The following ARHGAP32 variants were observed in gnomAD, a reference collection of about 807,000 sequenced individuals.
ARHGAP32 encodes the protein Rho GTPase activating protein 32.
A neutral mutation model predicts 186.5 loss-of-function variants in ARHGAP32; 51 were observed. That is an observed-to-expected ratio of 0.27 (90% CI 0.22 to 0.35). ARHGAP32 has a LOEUF of 0.35. Ranked by LOEUF, ARHGAP32 falls within the 10% of genes least tolerant of loss-of-function variation. ARHGAP32 has a pLI of 1.00. For synonymous variants in ARHGAP32, 950 were observed against 964.3 expected, an observed-to-expected ratio of 0.99 and a Z score of 0.27; for missense variants, 2,186 against 2,623.5, an observed-to-expected ratio of 0.83 and a Z score of 3.64.
intron 1 of ARHGAP32, among the ~76,000 whole-genome samples, chr11:129,275,023 GTATC>G (rs1945514931): frequency 6.6e-6 from 1 of 152,030 alleles, no homozygotes; most frequent in South Asian, 2.1e-4. Context: ...AAAAACAGAA[GTATC>G]TTTCCACCCA....
At chr11:129,232,565 G>C (rs942269888) in intron 1 of ARHGAP32, among the ~76,000 whole-genome samples, 4 of 152,048 alleles carry the variant, frequency 2.6e-5, no homozygotes, top group Admixed American at 1.3e-4. Flanking sequence ...TTGATAGCTT[G>C]ATGAGATCAG....
intron 1 of ARHGAP32, among the ~76,000 whole-genome samples, chr11:129,252,032 C>A (rs1265842731): frequency 6.6e-6 from 1 of 151,228 alleles, no homozygotes; most frequent in Non-Finnish European, 1.5e-5. Flanking sequence ...ATAATAATAT[C>A]AACTATTATA....
chr11:129,203,908 C>CAT (rs904317726), intron 1 of ARHGAP32, among the ~76,000 whole-genome samples: 23 of 147,258 alleles, frequency 1.6e-4, no homozygotes, highest in Non-Finnish European at 3.0e-4. Flanking sequence ...AAAAAAATTG[C>CAT]ATATATATAT....
chr11:129,019,490 G>T (rs1938501895), intron 11 of ARHGAP32, among the ~76,000 whole-genome samples: 1 of 151,916 alleles, frequency 6.6e-6, no homozygotes. Flanking sequence ...AAAAGAACAG[G>T]TATGTTAAAT....
rs1289367729 is a variant in ARHGAP32, at chr11:128,966,766, C to G, written c.*2141G>C. The G allele has an allele frequency of 6.6e-6, 1 of 152,310 alleles. No individual in the cohort carries two copies. The highest frequency in any genetic ancestry group is 2.1e-4 in the South Asian group (1 of 4,822). The allele number at this position is 152,310 out of a possible 1,614,324, so 9.4% of individuals were successfully genotyped here. A position where few individuals can be genotyped will look rare whatever the true frequency, so the allele number is the denominator to read the frequency against. On this transcript the variant is annotated 3_prime_UTR_variant, in exon 23 of 23. Transcript: ENST00000682385. ...AGCCGTGTGTATCTCCTGGTCACAG[C>G]AGCCCCTCTTCCTAATCTCCATGCT...
intron 1 of ARHGAP32, among the ~76,000 whole-genome samples, chr11:129,178,163 G>C (rs1366849801): frequency 1.3e-5 from 2 of 151,770 alleles, no homozygotes; most frequent in East Asian, 3.9e-4. Flanking sequence ...CAAACAGAGA[G>C]CCAAATCATG....
chr11:129,045,032 G>C (rs1244059324), intron 10 of ARHGAP32, among the ~76,000 whole-genome samples: 3 of 152,156 alleles, frequency 2.0e-5, no homozygotes, highest in Admixed American at 2.0e-4. Context: ...GGTATATGGG[G>C]AAATGCCACT....
intron 20 of ARHGAP32, among the ~76,000 whole-genome samples, chr11:128,975,454 C>T (rs1310773247): frequency 9.9e-5 from 15 of 151,888 alleles, no homozygotes; most frequent in Admixed American, 1.3e-4. Context: ...AACATCCTTA[C>T]AATATTCAAA....
At position 128,970,294 on chromosome 11, in the gene ARHGAP32, G is replaced by A. The variant is rs1565345231; in HGVS notation, c.4919C>T (p.Ser1640Phe). 1.2e-6 allele frequency: 2 copies of A among 1,614,206 alleles called. No individual in the cohort carries two copies. Among genetic ancestry groups the A allele is most frequent in the Non-Finnish European group, 1.7e-6 (2 of 1,180,038 alleles). ...PLYQYKPYQS[S>F]QARSDYHVTQ... The stretch of plus-strand genomic sequence containing the variant: ...GACATGATAATCTGAGCGGGCCTGG[G>A]AGGACTGATATGGCTTATATTGGTA... The change falls in exon 23 of 23, where the codon TCC becomes TTC. Residue 1640 changes from serine to phenylalanine, a missense_variant. By Grantham distance (155) the Ser-to-Phe change is radical. Around this residue, in one of 5 missense-constraint regions of ARHGAP32, gnomAD observed 1,502 missense variants for 1,570.0 expected, o/e 0.96. Transcript: ENST00000682385. The surrounding 1 kb of genome is among the most constrained non-coding windows in gnomAD (Gnocchi z 5.8).
chr11:129,065,993 G>C (rs1380580461), intron 7 of ARHGAP32, among the ~76,000 whole-genome samples: 1 of 152,078 alleles, frequency 6.6e-6, no homozygotes, highest in Admixed American at 6.6e-5. Flanking sequence ...TAATTTAAAT[G>C]ATCCTATATT....
At chr11:129,049,107 AG>A (rs1286124532) in intron 10 of ARHGAP32, among the ~76,000 whole-genome samples, 2 of 152,304 alleles carry the variant, frequency 1.3e-5, no homozygotes, top group East Asian at 3.9e-4. Flanking sequence ...GAAGCAGCAC[AG>A]GAACAGGCAT....
chr11:128,988,210 C>CAAAAGT (rs1453543697), intron 12 of ARHGAP32, 85 bp from the exon 13 acceptor site: 29 of 970,538 alleles, frequency 3.0e-5, no homozygotes, highest in Non-Finnish European at 7.5e-6. Flanking sequence ...TCTTAGTTTA[C>CAAAAGT]AAAAGTAAAA....
chr11:129,231,129 A>G (rs1269571397), intron 1 of ARHGAP32, among the ~76,000 whole-genome samples: 1 of 152,162 alleles, frequency 6.6e-6, no homozygotes, highest in African/African-American at 2.4e-5. Context: ...GTAAGACGCC[A>G]TCTCAAAAAG....
At chr11:129,174,677 G>A (rs1424278329) in intron 1 of ARHGAP32, among the ~76,000 whole-genome samples, 4 of 152,106 alleles carry the variant, frequency 2.6e-5, no homozygotes, top group South Asian at 2.1e-4. Flanking sequence ...CCCAAGCAGG[G>A]GCAGTCTGAC....
intron 12 of ARHGAP32, among the ~76,000 whole-genome samples, chr11:128,990,395 G>A (rs770084809): frequency 3.3e-5 from 5 of 152,104 alleles, no homozygotes; most frequent in African/African-American, 7.2e-5. Flanking sequence ...CAGGAACACC[G>A]TCCTGACACA....
chr11:129,050,413 C>G (rs913197241), intron 10 of ARHGAP32, among the ~76,000 whole-genome samples: 8 of 151,782 alleles, frequency 5.3e-5, no homozygotes, highest in Non-Finnish European at 1.0e-4. Flanking sequence ...AGTATGTTGC[C>G]CAGGCTGGCC....
chr11:129,203,834 G>T (rs1157770549), intron 1 of ARHGAP32, among the ~76,000 whole-genome samples: 2 of 149,974 alleles, frequency 1.3e-5, no homozygotes, highest in Admixed American at 1.3e-4. Flanking sequence ...GGAGTTCTAG[G>T]CTGTGGTGAG....
Position 129,213,156 on chromosome 11 carries a change from G to A in ARHGAP32, c.-4-48729C>T, listed in dbSNP as rs570741264. Among the ~76,000 whole-genome samples the A allele has an allele frequency of 5.3e-5, 8 of 152,070 alleles. No individual in the cohort carries two copies. The South Asian group carries it at 8.3e-4, about 16-fold the overall frequency. ...AGCCTCATACTTTTGTATTCACTTC[G>A]TAGTTCCGCTATCTGAAATTTAAAT... On this transcript the variant is annotated intron_variant, in intron 1 of 6. Transcript: ENST00000525234.
At chr11:128,993,361 G>A (rs553284879) in intron 12 of ARHGAP32, 14 of 152,098 alleles carry the variant, frequency 9.2e-5, no homozygotes, top group Admixed American at 3.3e-4. Flanking sequence ...ATTTTGATAC[G>A]AGCTTCCTTC....
Sources: gnomAD v4.1 joint callset for allele counts (sites outside exome capture counted in the v4.1 genomes callset) on GRCh38, gnomAD v4.1.1 for gene constraint, gnomAD v4.1.1 regional missense constraint, Gnocchi (gnomAD v3.1) non-coding constraint, MANE v1.5 for transcripts, NCBI Gene and HGNC (gene_info 2026-07-23, HGNC 2026-07-21) for gene names.